Variants in RASAL2 observed in about 807,000 individuals in gnomAD.
RASAL2 encodes the protein ras GTPase-activating protein nGAP.
In RASAL2, 58 loss-of-function variants were observed where a neutral mutation model predicts 128.9. The ratio of observed to expected loss-of-function variants is 0.45; its 90% confidence interval spans 0.36 to 0.56. The LOEUF (loss-of-function observed/expected upper bound fraction) is 0.56, where lower values mean the gene tolerates loss of function less well. Among genes scored for constraint, RASAL2 ranks in the 20% least tolerant of loss-of-function variants. The probability of loss-of-function intolerance (pLI) is 0.00; values close to 1 mark genes in which losing one functional copy is unlikely to be tolerated. For missense variants in RASAL2, 1,360 were observed against 1,601.6 expected, an observed-to-expected ratio of 0.85 and a Z score of 2.57; for synonymous variants, 561 against 580.8, an observed-to-expected ratio of 0.97 and a Z score of 0.49.
chr1:178,166,778 T>TA (rs1661529558), intron 1 of RASAL2, among the ~76,000 whole-genome samples: 1 of 152,126 alleles, frequency 6.6e-6, no homozygotes, highest in Admixed American at 6.6e-5. Flanking sequence ...TAGGTAGTCA[T>TA]AAAAATGTCA....
intron 10 of RASAL2, among the ~76,000 whole-genome samples, 165 bp downstream of exon 10, chr1:178,451,880 AAAATTGAAATCTCTATTGTAAG>A: frequency 6.6e-6 from 1 of 152,210 alleles, no homozygotes; most frequent in Non-Finnish European, 1.5e-5. Context: ...AGTCCCGTCT[AAAATTGAAATCTCTATTGTAAG>A]CAGAAGTACT....
intron 4 of RASAL2, among the ~76,000 whole-genome samples, chr1:178,390,461 C>A (rs1672835210): frequency 6.6e-6 from 1 of 152,132 alleles, no homozygotes; most frequent in Non-Finnish European, 1.5e-5. Flanking sequence ...TCACTGCAAC[C>A]TCCCCCTCCC....
chr1:178,239,313 A>G (rs886276327), intron 1 of RASAL2, among the ~76,000 whole-genome samples: 3 of 152,104 alleles, frequency 2.0e-5, no homozygotes, highest in Non-Finnish European at 4.4e-5. Flanking sequence ...TGGTTAGAAC[A>G]TAAGAGTTAC....
chr1:178,420,644 CA>C (rs533965941), intron 5 of RASAL2, 24 bp downstream of exon 5: 85 of 1,517,508 alleles, frequency 5.6e-5, no homozygotes, highest in Non-Finnish European at 6.7e-5. Flanking sequence ...TTTCTTAAAA[CA>C]AAAAAAGCAG....
rs76612599 is a variant in RASAL2 at position 178,427,892 on chromosome 1, C to G, written c.674+7272C>G. Among the ~76,000 whole-genome samples the G allele has an allele frequency of 1.4e-4, 22 of 152,208 alleles. No homozygotes were observed. In the East Asian group the frequency reaches 4.3e-3, roughly 29 times the overall value. On this transcript the variant is annotated intron_variant, in intron 5 of 17. Coordinates refer to ENST00000367649, the MANE Select transcript of RASAL2 (RefSeq NM_170692.4). ...GAACTGTTTCATTACCAAGAAAGAA[C>G]TCCCTATGCTACCCCTTTATAGTCA... is the stretch of plus-strand genomic sequence containing the variant.
intron 3 of RASAL2, among the ~76,000 whole-genome samples, chr1:178,307,211 T>G (rs1334813778): frequency 6.6e-6 from 1 of 152,040 alleles, no homozygotes; most frequent in Admixed American, 6.6e-5. Context: ...GTTCTAGATT[T>G]TCTTAAGCAA....
At chr1:178,401,516 A>G (rs1190715111) in intron 4 of RASAL2, among the ~76,000 whole-genome samples, 1 of 152,140 alleles carries the variant, frequency 6.6e-6, no homozygotes, top group Non-Finnish European at 1.5e-5. Flanking sequence ...GGTACATGCC[A>G]GTAGTTCCAA....
chr1:178,289,583 G>A (rs1452288399), intron 2 of RASAL2, among the ~76,000 whole-genome samples: 3 of 152,042 alleles, frequency 2.0e-5, no homozygotes, highest in African/African-American at 7.2e-5. Context: ...CCAAAGTGCT[G>A]GGATTACAGG....
intron 3 of RASAL2, among the ~76,000 whole-genome samples, chr1:178,322,046 T>G (rs1218859913): frequency 6.6e-6 from 1 of 151,706 alleles, no homozygotes; most frequent in African/African-American, 2.4e-5. Flanking sequence ...TTGCCCAGGC[T>G]GGTCTCAAAC....
intron 3 of RASAL2, among the ~76,000 whole-genome samples, chr1:178,322,914 G>A (rs1363149896): frequency 1.3e-5 from 2 of 152,016 alleles, no homozygotes; most frequent in Non-Finnish European, 2.9e-5. Flanking sequence ...GGCCACATAG[G>A]ACTGCTTCAG....
intron 3 of RASAL2, among the ~76,000 whole-genome samples, chr1:178,308,724 A>G (rs1023412263): frequency 2.6e-5 from 4 of 151,170 alleles, no homozygotes; most frequent in South Asian, 4.2e-4. Flanking sequence ...TTTTTTTTTA[A>G]TTTATTCTAG....
intron 1 of RASAL2, among the ~76,000 whole-genome samples, chr1:178,099,986 G>A (rs1196223646): frequency 6.6e-6 from 1 of 151,864 alleles, no homozygotes; most frequent in African/African-American, 2.4e-5. Context: ...CATACCAAGT[G>A]GTATAAAGAC....
chr1:178,101,233 A>C (rs947536888), intron 1 of RASAL2, among the ~76,000 whole-genome samples: 1 of 152,194 alleles, frequency 6.6e-6, no homozygotes, highest in Admixed American at 6.5e-5. Flanking sequence ...AAGGCATAAA[A>C]ACATTTCATT....
chr1:178,347,734 G>A (rs1670224943), intron 3 of RASAL2, among the ~76,000 whole-genome samples: 1 of 152,170 alleles, frequency 6.6e-6, no homozygotes, highest in Non-Finnish European at 1.5e-5. Context: ...CAGTTACTTT[G>A]AACAGCTATT....
At chr1:178,141,345 C>T (rs1054551430) in intron 1 of RASAL2, among the ~76,000 whole-genome samples, 3 of 151,936 alleles carry the variant, frequency 2.0e-5, no homozygotes, top group African/African-American at 7.3e-5. Flanking sequence ...TTCCTCTGTG[C>T]TGTCAGGCGA....
intron 1 of RASAL2, among the ~76,000 whole-genome samples, chr1:178,203,575 A>G (rs1662944919): frequency 6.6e-6 from 1 of 152,194 alleles, no homozygotes; most frequent in Non-Finnish European, 1.5e-5. Context: ...CTATTCCTGC[A>G]ACATTATGTT....
At chr1:178,223,795 TACTC>T (rs1663695700) in intron 1 of RASAL2, among the ~76,000 whole-genome samples, 2 of 152,100 alleles carry the variant, frequency 1.3e-5, no homozygotes, top group African/African-American at 4.8e-5. Flanking sequence ...GGTTGGATAA[TACTC>T]AGGAGGGGAA....
intron 1 of RASAL2, among the ~76,000 whole-genome samples, chr1:178,174,410 C>T (rs369572220): frequency 2.6e-5 from 4 of 152,088 alleles, no homozygotes; most frequent in African/African-American, 9.6e-5. Flanking sequence ...CTCTGTTAAG[C>T]TGGAAAATTT....
At chr1:178,212,378 A>G (rs554055213) in intron 1 of RASAL2, among the ~76,000 whole-genome samples, 1 of 152,358 alleles carries the variant, frequency 6.6e-6, no homozygotes, top group East Asian at 1.9e-4. Flanking sequence ...TGTGGTCTTC[A>G]TATGTGAGCT....
Sources: allele counts gnomAD v4.1 joint callset (sites outside exome capture counted in the v4.1 genomes callset), GRCh38; gene constraint gnomAD v4.1.1; transcripts MANE v1.5; gene names NCBI Gene and HGNC (gene_info 2026-07-23, HGNC 2026-07-21).